Variants in PHF21A observed in about 807,000 individuals in gnomAD.
The protein encoded by PHF21A is BHC80a.
Under a neutral mutation model 82.5 loss-of-function variants are expected in PHF21A, and 11 were observed. The ratio of observed to expected loss-of-function variants is 0.13; its 90% CI spans 0.08 to 0.22. The LOEUF is 0.22. PHF21A is among the 10% of genes least tolerant of loss of function. The probability of loss-of-function intolerance (pLI) is 1.00; values close to 1 mark genes in which losing one functional copy is unlikely to be tolerated. For synonymous variants in PHF21A, 297 were observed against 302.8 expected (o/e 0.98, Z 0.20); for missense variants, 579 against 837.8 (o/e 0.69, Z 3.81).
intron 18 of PHF21A, chr11:45,935,263 G>A (rs1206628551): frequency 8.4e-6 from 11 of 1,303,044 alleles, no homozygotes; most frequent in Non-Finnish European, 1.1e-5. Flanking sequence ...AGAATCACAC[G>A]AGGGGACCTG....
chr11:46,005,379 T>C (rs2095270203), intron 6 of PHF21A, among the ~76,000 whole-genome samples: 1 of 152,210 alleles, frequency 6.6e-6, no homozygotes, highest in African/African-American at 2.4e-5. Context: ...GACTGTAGAA[T>C]ATTTGCACAA....
At chr11:46,047,034 T>C (rs1211178769) in intron 6 of PHF21A, among the ~76,000 whole-genome samples, 1 of 152,228 alleles carries the variant, frequency 6.6e-6, no homozygotes, top group Non-Finnish European at 1.5e-5. Context: ...AGGAAGTCTA[T>C]TCAAACATTC....
intron 1 of PHF21A, among the ~76,000 whole-genome samples, chr11:46,105,849 A>C (rs1593298544): frequency 1.3e-5 from 2 of 152,210 alleles, no homozygotes; most frequent in African/African-American, 4.8e-5. Context: ...CAGATTCTGA[A>C]TATCTTGATA....
chr11:46,085,220 T>A (rs2096842756), intron 3 of PHF21A, among the ~76,000 whole-genome samples: 1 of 152,214 alleles, frequency 6.6e-6, no homozygotes, highest in Non-Finnish European at 1.5e-5. Flanking sequence ...ATGTGGATAT[T>A]TTAAAATGTA....
chr11:46,011,874 C>G (rs1470060551), intron 6 of PHF21A, among the ~76,000 whole-genome samples: 1 of 152,134 alleles, frequency 6.6e-6, no homozygotes, highest in Middle Eastern at 3.2e-3. Flanking sequence ...ACAAAAAGAG[C>G]AAAAACTTCT....
chr11:46,062,141 T>G (rs756276994), intron 6 of PHF21A, among the ~76,000 whole-genome samples: 2 of 152,140 alleles, frequency 1.3e-5, no homozygotes, highest in African/African-American at 2.4e-5. Flanking sequence ...ATTCTTGTTT[T>G]GCTAAAGTTT....
chr11:45,938,065 A>C, intron 16 of PHF21A, 92 bp downstream of exon 16: 3 of 1,115,838 alleles, frequency 2.7e-6, no homozygotes, highest in Non-Finnish European at 2.6e-6. Flanking sequence ...GGGAGAGAGA[A>C]GAGACTGCCA....
At chr11:46,105,495 T>G (rs1457208310) in intron 1 of PHF21A, among the ~76,000 whole-genome samples, 1 of 152,092 alleles carries the variant, frequency 6.6e-6, no homozygotes, top group Non-Finnish European at 1.5e-5. Context: ...AACCAGGAAC[T>G]GCAAGAAATG....
rs928889356 is a variant in PHF21A, at chr11:45,965,467, T to C, written c.844A>G (p.Ile282Val). The change falls in exon 10 of 19, where the codon ATC becomes GTC. Residue 282 changes from isoleucine to valine, a missense_variant. Around this residue, in one of 3 missense-constraint regions of PHF21A, gnomAD observed 410 missense variants for 642.1 expected, o/e 0.64. Coordinates refer to ENST00000676320, the MANE Select transcript of PHF21A (RefSeq NM_001352027.3). The stretch of plus-strand genomic sequence containing the variant: ...CCATTGACGACACGGACGGGGTGGA[T>C]GGAATTCTGGGATGTGGGAAGGGTT... The part of the protein sequence containing the change: ...PTTLPTSQNS[I>V]HPVRVVNGQT... 3 of 1,613,830 alleles carry C rather than the reference T, an allele frequency of 1.9e-6. No individual in the cohort carries two copies. The highest frequency in any genetic ancestry group is 1.7e-6 in the Non-Finnish European group (2 of 1,179,940).
chr11:45,945,538 C>T (rs1466069859), intron 15 of PHF21A, among the ~76,000 whole-genome samples: 1 of 152,202 alleles, frequency 6.6e-6, no homozygotes, highest in African/African-American at 2.4e-5. Context: ...CACCTCTCAA[C>T]TGTATGAGCT....
rs117289621 is a variant in PHF21A, at chr11:46,030,282, T to C, written c.153+46472A>G. Among the ~76,000 whole-genome samples, 1,171 of 152,316 alleles carry C rather than the reference T, an allele frequency of 7.7e-3. 6 individuals carry two copies. The highest frequency in any genetic ancestry group is 0.012 in the Non-Finnish European group (847 of 68,034). On this transcript the variant is annotated intron_variant, in intron 6 of 18. Transcript: ENST00000676320. ...TCTTTAAAAGGGTGTCAAGACAATATAAAATTATTTTTTCTCTCCATAAGT... is the reference window on the plus strand; with the variant it reads ...TCTTTAAAAGGGTGTCAAGACAATACAAAATTATTTTTTCTCTCCATAAGT...
chr11:46,073,754 A>AACATT (rs1296616220), intron 6 of PHF21A, among the ~76,000 whole-genome samples: 1 of 152,216 alleles, frequency 6.6e-6, no homozygotes, highest in Non-Finnish European at 1.5e-5. Flanking sequence ...CCATGATCTT[A>AACATT]ATGGCTATAT....
chr11:46,071,369 A>G (rs1010063581), intron 6 of PHF21A, among the ~76,000 whole-genome samples: 4 of 152,248 alleles, frequency 2.6e-5, no homozygotes, highest in Non-Finnish European at 5.9e-5. Context: ...CACAAACTGA[A>G]GCAGAGGTGC....
intron 6 of PHF21A, among the ~76,000 whole-genome samples, chr11:46,062,699 G>C (rs995078541): frequency 2.6e-5 from 4 of 152,094 alleles, no homozygotes; most frequent in Non-Finnish European, 5.9e-5. Context: ...GGAGCAGCTA[G>C]AACTCTCATA....
intron 4 of PHF21A, among the ~76,000 whole-genome samples, chr11:46,080,998 C>T (rs2096784763): frequency 6.6e-6 from 1 of 152,170 alleles, no homozygotes; most frequent in African/African-American, 2.4e-5. Context: ...AAACCCAGCT[C>T]AAATTTGCTG....
chr11:46,117,164 G>A (rs1851572406), intron 1 of PHF21A: 1 of 151,990 alleles, frequency 6.6e-6, no homozygotes, highest in Non-Finnish European at 1.5e-5. Flanking sequence ...TATCTCATTT[G>A]GTCTTACTGA....
intron 1 of PHF21A, among the ~76,000 whole-genome samples, chr11:46,092,995 T>C (rs569908376): frequency 6.6e-6 from 1 of 152,086 alleles, no homozygotes; most frequent in Non-Finnish European, 1.5e-5. Flanking sequence ...GCTCAAGCAA[T>C]CCTCCCTGCC....
intron 1 of PHF21A, among the ~76,000 whole-genome samples, chr11:46,106,158 T>C (rs193150987): frequency 1.3e-5 from 2 of 152,340 alleles, no homozygotes; most frequent in Non-Finnish European, 2.9e-5. Context: ...CTGTTCCAAG[T>C]ACAGCATGCT....
intron 7 of PHF21A, 68 bp downstream of exon 7, chr11:45,979,692 A>G: frequency 6.2e-7 from 1 of 1,608,766 alleles, no homozygotes; most frequent in Non-Finnish European, 8.5e-7. Context: ...GACAGGACCC[A>G]GTTCTATATG....
Sources: allele counts gnomAD v4.1 joint callset (sites outside exome capture counted in the v4.1 genomes callset), GRCh38; gene constraint gnomAD v4.1.1; regional missense constraint gnomAD v4.1.1; transcripts MANE v1.5; gene names NCBI Gene and HGNC (gene_info 2026-07-23, HGNC 2026-07-21).